Variants in FAM3D observed in about 807,000 individuals in gnomAD.
The protein encoded by FAM3D is FAM3 metabolism regulating signaling molecule D.
In FAM3D, 26 loss-of-function variants were observed where a neutral mutation model predicts 29.8. The ratio of observed to expected loss-of-function variants is 0.87; its 90% CI spans 0.64 to 1.21. FAM3D has a LOEUF of 1.21. Among genes scored for constraint, FAM3D ranks in the 50% most tolerant of loss-of-function variants. The pLI, the probability that FAM3D is intolerant of heterozygous loss-of-function variation, is 0.00. For missense variants in FAM3D, 253 were observed against 290.9 expected (o/e 0.87, Z 0.95); for synonymous variants, 115 against 102.3 (o/e 1.12, Z -0.75).
intron 3 of FAM3D, 97 bp from the exon 4 acceptor site, chr3:58,649,435 G>T (rs1453159598): frequency 7.0e-7 from 1 of 1,437,930 alleles, no homozygotes; most frequent in Non-Finnish European, 9.6e-7. Flanking sequence ...GGAATAAGGG[G>T]ATTTAAATTG....
At position 58,649,548 on chromosome 3, in the gene FAM3D, C is replaced by G. The variant is rs114139273; in HGVS notation, c.122-210G>C. ...ACACAGATACACATGTGTACACACA[C>G]GCACACACATATACACATGCACACA... On this transcript the variant is annotated intron_variant, in intron 3 of 9. Transcript: ENST00000358781. 26 of 602,708 alleles carry G rather than the reference C, an allele frequency of 4.3e-5. No individual in the cohort carries two copies. In the East Asian group the frequency reaches 7.1e-4, roughly 16 times the overall value. The allele number at this position is 602,708 out of a possible 1,614,324, so 37.3% of individuals were successfully genotyped here.
intron 6 of FAM3D, 132 bp downstream of exon 6, chr3:58,643,530 C>T (rs1018365751): frequency 1.4e-4 from 137 of 989,856 alleles, no homozygotes; most frequent in Non-Finnish European, 2.1e-4. Context: ...GCCACGCTTC[C>T]CCTCCTGAGC....
At chr3:58,636,034 T>C (rs2066157382) in intron 9 of FAM3D, among the ~76,000 whole-genome samples, 1 of 152,222 alleles carries the variant, frequency 6.6e-6, no homozygotes, top group Admixed American at 6.5e-5. Flanking sequence ...ATCCTTCTTT[T>C]CTCCTTTTCC....
At chr3:58,653,869 C>T (rs763454381) in intron 2 of FAM3D, 88 bp from the exon 3 acceptor site, 36 of 980,510 alleles carry the variant, frequency 3.7e-5, no homozygotes, top group Non-Finnish European at 4.2e-5. Flanking sequence ...ATCCCACAGA[C>T]CCCATGCTAT....
At chr3:58,647,845 A>G (rs888642503) in intron 4 of FAM3D, among the ~76,000 whole-genome samples, 4 of 152,216 alleles carry the variant, frequency 2.6e-5, no homozygotes, top group South Asian at 4.1e-4. Context: ...GCAGGGATTC[A>G]TTCAGGAAAT....
At chr3:58,642,785 C>A (rs560787072) in intron 6 of FAM3D, among the ~76,000 whole-genome samples, 2 of 152,272 alleles carry the variant, frequency 1.3e-5, no homozygotes, top group African/African-American at 2.4e-5. Context: ...GCATGCCTGG[C>A]CCCTCACACA....
intron 6 of FAM3D, among the ~76,000 whole-genome samples, chr3:58,640,788 G>A (rs562788686): frequency 6.6e-6 from 1 of 152,340 alleles, no homozygotes; most frequent in East Asian, 1.9e-4. Context: ...GTTACAGTTC[G>A]CGCTCTCCGC....
At chr3:58,650,232 G>A (rs990355952) in intron 3 of FAM3D, among the ~76,000 whole-genome samples, 5 of 152,120 alleles carry the variant, frequency 3.3e-5, no homozygotes, top group Non-Finnish European at 5.9e-5. Context: ...ACACTTACAC[G>A]CTTTCCATTT....
chr3:58,643,719 T>C lies in FAM3D; in HGVS notation c.265A>G (p.Ile89Val). ...ACATTGTTTTTCACAGGACTCATGA[T>C]CCTGAAGACAATGAAGAAGAAATAT... Reference protein sequence around the residue: ...GPTMCFEDRMIMSPVKNNVGR... With the variant: ...GPTMCFEDRMVMSPVKNNVGR... Residue 89 changes from isoleucine (I) to valine (V), a missense_variant and splice_region_variant, in exon 6 of 10, where the codon ATC (isoleucine) becomes GTC (valine). By Grantham distance (29) the Ile-to-Val change is conservative (BLOSUM62 3). Transcript: ENST00000358781. 1 of 1,613,996 alleles carries C rather than the reference T, an allele frequency of 6.2e-7. No individual in the cohort carries two copies. Among genetic ancestry groups the C allele is most frequent in the Non-Finnish European group, 8.5e-7 (1 of 1,179,992 alleles).
At chr3:58,643,318 T>G (rs117703475) in intron 6 of FAM3D, among the ~76,000 whole-genome samples, 1 of 152,390 alleles carries the variant, frequency 6.6e-6, no homozygotes, top group East Asian at 1.9e-4. Context: ...ACTCAGCATG[T>G]GATCTTGCAC....
At position 58,640,154 on chromosome 3, in the gene FAM3D, G is replaced by A. The variant is rs746206130; in HGVS notation, c.346C>T (p.Gln116Ter). 2 of 1,614,176 alleles carry A rather than the reference G, an allele frequency of 1.2e-6. No individual in the cohort carries two copies. Among genetic ancestry groups the A allele is most frequent in the Non-Finnish European group, 1.7e-6 (2 of 1,180,030 alleles). Residue 116 changes from glutamine to a stop codon, truncating the protein, a stop_gained, in exon 7 of 10, where the codon CAG (glutamine) becomes TAG (stop). Transcript: ENST00000358781. LOFTEE classifies it high-confidence loss of function. Reference protein sequence around the residue: ...VNGTTGAVLGQKAFDMYSGDV... With the variant: ...VNGTTGAVLG ...CCAGAGTACATGTCAAATGCCTTCT[G>A]TCCCAGCACAGCTCCCGTGGTTCCT...
chr3:58,664,820 C>T (rs772527877), intron 1 of FAM3D, among the ~76,000 whole-genome samples: 3 of 152,222 alleles, frequency 2.0e-5, no homozygotes, highest in Non-Finnish European at 2.9e-5. Context: ...ATGTCTGCTC[C>T]GCTCCAGGGC....
intron 7 of FAM3D, among the ~76,000 whole-genome samples, chr3:58,638,455 C>T (rs981686946): frequency 9.9e-5 from 15 of 152,166 alleles, no homozygotes; most frequent in African/African-American, 3.1e-4. Context: ...CTTATAACCT[C>T]TATGAAGTGC....
At chr3:58,648,646 G>A (rs530100701) in intron 4 of FAM3D, among the ~76,000 whole-genome samples, 2 of 152,178 alleles carry the variant, frequency 1.3e-5, no homozygotes, top group Non-Finnish European at 2.9e-5. Context: ...CTCAATCATC[G>A]TTACTAGTAC....
chr3:58,643,644 G>A lies in FAM3D; in HGVS notation c.322+18C>T. On this transcript the variant is annotated intron_variant, in intron 6 of 9. Transcript: ENST00000358781. Reference sequence around the variant, plus strand: ...TGGTTCTGGGTGGGAACTGTCTGGGGATGGATATGCAACTCACCATTCACC... The same window carrying A: ...TGGTTCTGGGTGGGAACTGTCTGGGAATGGATATGCAACTCACCATTCACC... The A allele has an allele frequency of 6.2e-7, 1 of 1,612,896 alleles. No individual in the cohort carries two copies. The highest frequency in any genetic ancestry group is 1.1e-5 in the South Asian group (1 of 91,020).
intron 3 of FAM3D, 71 bp from the exon 4 acceptor site, chr3:58,649,409 TG>T (rs2066567275): frequency 1.9e-6 from 3 of 1,556,940 alleles, no homozygotes; most frequent in Middle Eastern, 1.7e-4. Context: ...GGTTGGGGGC[TG>T]GGGGCTGGGG....
At chr3:58,655,662 A>C in intron 1 of FAM3D, 61 bp from the exon 2 acceptor site, 1 of 1,381,634 alleles carries the variant, frequency 7.2e-7, no homozygotes, top group Non-Finnish European at 1.0e-6. Flanking sequence ...ATCAAGCCTG[A>C]AGATGAGGGA....
intron 3 of FAM3D, among the ~76,000 whole-genome samples, chr3:58,652,993 CT>C (rs2066691195): frequency 6.8e-6 from 1 of 147,168 alleles, no homozygotes. Context: ...TTTTTTTTCA[CT>C]CATCAAATGT....
At chr3:58,640,821 G>A (rs2066306888) in intron 6 of FAM3D, among the ~76,000 whole-genome samples, 1 of 152,240 alleles carries the variant, frequency 6.6e-6, no homozygotes, top group South Asian at 2.1e-4. Flanking sequence ...GCGTTGCAGA[G>A]GGGATGGCAG....
Sources: allele counts gnomAD v4.1 joint callset (sites outside exome capture counted in the v4.1 genomes callset), GRCh38; gene constraint gnomAD v4.1.1; transcripts MANE v1.5; gene names NCBI Gene and HGNC (gene_info 2026-07-23, HGNC 2026-07-21).